Variants in MAPKAPK2 observed in about 807,000 individuals in gnomAD.
The protein encoded by MAPKAPK2 is MAP kinase-activated protein kinase 2.
MAPKAPK2 carries 9 observed loss-of-function variants against 48.8 expected under a neutral mutation model. That is an observed-to-expected ratio of 0.18 (90% confidence interval 0.11 to 0.32). MAPKAPK2 has a LOEUF of 0.32. MAPKAPK2 is among the 10% of genes least tolerant of loss of function. The pLI is 1.00. For missense variants in MAPKAPK2, 331 were observed against 498.3 expected, an observed-to-expected ratio of 0.66 and a Z score of 3.20; for synonymous variants, 202 against 190.6, an observed-to-expected ratio of 1.06 and a Z score of -0.49.
chr1:206,724,122 C>T (rs1339526887), intron 1 of MAPKAPK2, among the ~76,000 whole-genome samples: 3 of 152,226 alleles, frequency 2.0e-5, no homozygotes, highest in South Asian at 4.1e-4. Flanking sequence ...CTTCTAGTCT[C>T]CAGTCCTCAG....
chr1:206,724,194 G>A (rs1490952769), intron 1 of MAPKAPK2, among the ~76,000 whole-genome samples: 1 of 152,218 alleles, frequency 6.6e-6, no homozygotes, highest in Non-Finnish European at 1.5e-5. Flanking sequence ...CAAGGAGCAG[G>A]GGCCTTGGCT....
At chr1:206,727,628 C>CT (rs201923240) in intron 1 of MAPKAPK2, among the ~76,000 whole-genome samples, 1,613 of 148,826 alleles carry the variant, frequency 0.011, 16 homozygotes, top group Non-Finnish European at 0.014. Context: ...TAGCAGATTT[C>CT]TTTTTTTTTT....
Position 206,704,734 on chromosome 1 carries a change from G to A in MAPKAPK2, c.279+19226G>A, listed in dbSNP as rs1553428344. On this transcript the variant is annotated intron_variant, in intron 1 of 9. Transcript: ENST00000367103. This position sits in a 1 kb window ranked among gnomAD's most constrained non-coding sequence, Gnocchi z 4.3. ...TTGAACTGAATAAGTGAAGATGAGT[G>A]CACCACAAGTGTGTGTGTGCACTTC... Among the ~76,000 whole-genome samples the A allele has an allele frequency of 6.6e-6, 1 of 152,206 alleles. No homozygotes were observed. Among genetic ancestry groups the A allele is most frequent in the Non-Finnish European group, 1.5e-5 (1 of 68,020 alleles).
At position 206,685,270 on chromosome 1, in the gene MAPKAPK2, T is replaced by TA; in HGVS notation, c.41_42insA (p.Phe14LeufsTer49). 1.6e-5 allele frequency: 9 copies of TA among 566,958 alleles called. No individual in the cohort carries two copies. The highest frequency in any genetic ancestry group is 3.9e-5 in the Admixed American group (1 of 25,360). The allele number at this position is 566,958 out of a possible 1,614,324, so 35.1% of individuals were successfully genotyped here. A position where few individuals can be genotyped will look rare whatever the true frequency, so the allele number is the denominator to read the frequency against. ...CAGGGCCAGAGCCCGCCGGTGCCGT[T>TA]CCCCGCCCCGGCCCCGCCGCCGCAG... On this transcript the variant is annotated frameshift_variant, in exon 1 of 10. Transcript: ENST00000367103. LOFTEE classifies it high-confidence loss of function.
At chr1:206,686,952 C>G (rs2102369205) in intron 1 of MAPKAPK2, among the ~76,000 whole-genome samples, 2 of 152,164 alleles carry the variant, frequency 1.3e-5, no homozygotes, top group Middle Eastern at 3.4e-3. Flanking sequence ...GTGTCTTAGA[C>G]TTCTCTTTCC....
intron 1 of MAPKAPK2, 64 bp downstream of exon 1, chr1:206,685,572 G>C: frequency 7.5e-6 from 10 of 1,330,684 alleles, no homozygotes; most frequent in Non-Finnish European, 9.7e-6. Context: ...CCACGGCGTC[G>C]GGTGCCCGTC....
In MAPKAPK2 at chr1:206,685,059, C is replaced by G. The variant is rs1672232835; in HGVS notation, c.-171C>G. 1 of 174,970 alleles carries G rather than the reference C, an allele frequency of 5.7e-6. No individual in the cohort carries two copies. Among genetic ancestry groups the G allele is most frequent in the South Asian group, 2.0e-4 (1 of 5,080 alleles). 10.8% of individuals were successfully genotyped at this position (174,970 alleles called of 1,614,324 possible). On this transcript the variant is annotated 5_prime_UTR_variant, in exon 1 of 10. Coordinates refer to ENST00000367103, the MANE Select transcript of MAPKAPK2 (RefSeq NM_032960.4). ...TGGGAGCCAGCGGCGCGCGGTGGGA[C>G]CCACGGAGCCCCGCGACCCGCCGAG...
In MAPKAPK2 at chr1:206,704,579, A is replaced by T. The variant is rs1672895471; in HGVS notation, c.279+19071A>T. Among the ~76,000 whole-genome samples, 1 of 152,322 alleles carries T rather than the reference A, an allele frequency of 6.6e-6. No homozygotes were observed. Among genetic ancestry groups the T allele is most frequent in the Middle Eastern group, 3.4e-3 (1 of 294 alleles). On this transcript the variant is annotated intron_variant, in intron 1 of 9. Transcript: ENST00000367103. The surrounding 1 kb of genome is among the most constrained non-coding windows in gnomAD (Gnocchi z 4.3). ...ATGAGGGAATAAAACCAGCCGGCTC[A>T]TCTAGGGGCTGATATCTGTCCGTGG...
Position 206,685,353 on chromosome 1 carries a change from CAGTTCCCGCAGT to C in MAPKAPK2, c.125_136del (p.Gln42_Phe46delinsLeu). 4.0e-6 allele frequency: 6 copies of C among 1,498,380 alleles called. No individual in the cohort carries two copies. Among genetic ancestry groups the C allele is most frequent in the Non-Finnish European group, 5.4e-6 (6 of 1,115,816 alleles). 92.8% of individuals were successfully genotyped at this position (1,498,380 alleles called of 1,614,324 possible). On this transcript the variant is annotated inframe_deletion, in exon 1 of 10. Transcript: ENST00000367103. The stretch of plus-strand genomic sequence containing the variant: ...GCAGCCGCCGCCGCCGCCCCCGCAG[CAGTTCCCGCAGT>C]TCCACGTCAAGTCCGGCCTGCAGAT...
intron 1 of MAPKAPK2, among the ~76,000 whole-genome samples, chr1:206,692,179 C>G (rs1374460462): frequency 1.3e-5 from 2 of 152,008 alleles, no homozygotes; most frequent in African/African-American, 4.8e-5. Context: ...AGTCCAGCCA[C>G]TGTCTCCTTG....
Position 206,731,626 on chromosome 1 carries a change from G to A in MAPKAPK2, c.893-14G>A. 6.2e-7 allele frequency: 1 copy of A among 1,609,114 alleles called. No individual in the cohort carries two copies. The highest frequency in any genetic ancestry group is 8.5e-7 in the Non-Finnish European group (1 of 1,175,438). On this transcript the variant is annotated splice_polypyrimidine_tract_variant and intron_variant, in intron 7 of 9. Coordinates refer to ENST00000367103, the MANE Select transcript of MAPKAPK2 (RefSeq NM_032960.4). This position sits in a 1 kb window ranked among gnomAD's most constrained non-coding sequence, Gnocchi z 5.9. ...GACCCCTGAGCTGTCACTGCCCCCTGTCCCACCCCACAGTGAAGATGCTCA... is the reference window on the plus strand; with the variant it reads ...GACCCCTGAGCTGTCACTGCCCCCTATCCCACCCCACAGTGAAGATGCTCA...
chr1:206,715,168 C>G (rs996736514), intron 1 of MAPKAPK2, among the ~76,000 whole-genome samples: 5 of 152,210 alleles, frequency 3.3e-5, no homozygotes, highest in African/African-American at 1.2e-4. Flanking sequence ...GGAGCATTCT[C>G]CTTCATAGAA....
chr1:206,713,303 T>A (rs1572499755), intron 1 of MAPKAPK2, among the ~76,000 whole-genome samples: 2 of 152,178 alleles, frequency 1.3e-5, no homozygotes, highest in African/African-American at 4.8e-5. Flanking sequence ...ATTGCCATGG[T>A]TCTTACAGAC....
intron 1 of MAPKAPK2, among the ~76,000 whole-genome samples, chr1:206,709,713 A>G (rs965248897): frequency 1.3e-5 from 2 of 152,218 alleles, no homozygotes; most frequent in Non-Finnish European, 2.9e-5. Flanking sequence ...AATTAGCTTA[A>G]TAAAAACTCC....
chr1:206,729,207 C>G, intron 3 of MAPKAPK2, 108 bp downstream of exon 3: 1 of 1,275,852 alleles, frequency 7.8e-7, no homozygotes, highest in South Asian at 1.2e-5. Context: ...GGCTGCTGCC[C>G]CCTCCAGCAT....
chr1:206,716,806 GAT>G, intron 1 of MAPKAPK2, among the ~76,000 whole-genome samples: 1 of 151,976 alleles, frequency 6.6e-6, no homozygotes, highest in Admixed American at 6.6e-5. Flanking sequence ...GTAGATACTA[GAT>G]ACCTAGATAC....
At chr1:206,711,370 C>G (rs1340719998) in intron 1 of MAPKAPK2, among the ~76,000 whole-genome samples, 1 of 152,194 alleles carries the variant, frequency 6.6e-6, no homozygotes, top group Non-Finnish European at 1.5e-5. Context: ...CATGCCTCAG[C>G]CTCCCAAGTA....
chr1:206,719,999 A>C (rs61815628), intron 1 of MAPKAPK2, among the ~76,000 whole-genome samples: 8,280 of 152,214 alleles, frequency 0.054, 318 homozygotes, highest in Non-Finnish European at 0.086. Flanking sequence ...CATCCTCTAA[A>C]CCAGTGTGTG....
rs183160052 is a variant in MAPKAPK2 at position 206,732,050 on chromosome 1, G to A, written c.1059+131G>A. 2.0e-4 allele frequency: 318 copies of A among 1,614,166 alleles called. No homozygotes were observed. The highest frequency in any genetic ancestry group is 1.8e-4 in the Non-Finnish European group (213 of 1,180,032). On this transcript the variant is annotated intron_variant, in intron 9 of 9. Coordinates refer to ENST00000367103, the MANE Select transcript of MAPKAPK2 (RefSeq NM_032960.4). This position sits in a 1 kb window ranked among gnomAD's most constrained non-coding sequence, Gnocchi z 4.4. Reference sequence around the variant, plus strand: ...TCTCTCATCCCAGGGGTGTCTTCATGACAAGAACAGCGACCAGGCCACTTG... The same window carrying A: ...TCTCTCATCCCAGGGGTGTCTTCATAACAAGAACAGCGACCAGGCCACTTG...
Sources: gnomAD v4.1 joint callset for allele counts (sites outside exome capture counted in the v4.1 genomes callset) on GRCh38, gnomAD v4.1.1 for gene constraint, Gnocchi (gnomAD v3.1) non-coding constraint, MANE v1.5 for transcripts, NCBI Gene and HGNC (gene_info 2026-07-23, HGNC 2026-07-21) for gene names.